Variants in MAD1L1 observed in about 807,000 individuals in gnomAD.
MAD1L1 encodes the protein mitotic spindle assembly checkpoint protein MAD1.
Under a neutral mutation model 96.9 loss-of-function variants are expected in MAD1L1, and 95 were observed. The observed-to-expected ratio is 0.98, with a 90% CI of 0.83 to 1.16. The LOEUF is 1.16. MAD1L1 is among the 50% of genes most tolerant of loss of function. The pLI is 0.00. For synonymous variants in MAD1L1, 473 were observed against 396.6 expected (o/e 1.19, Z -2.29); for missense variants, 1,007 against 954.4 (o/e 1.06, Z -0.73).
chr7:1,951,326 G>A (rs1401940450), intron 16 of MAD1L1, among the ~76,000 whole-genome samples: 1 of 152,240 alleles, frequency 6.6e-6, no homozygotes, highest in African/African-American at 2.4e-5. Context: ...AAGGACAGAG[G>A]CCGTGTGAGG....
intron 10 of MAD1L1, among the ~76,000 whole-genome samples, chr7:2,212,268 G>A (rs546870591): frequency 1.1e-4 from 17 of 152,286 alleles, no homozygotes; most frequent in Non-Finnish European, 1.6e-4. Context: ...GTGGTCCCCC[G>A]GCAGCTCCAC....
chr7:2,069,969 G>A (rs532184274), intron 11 of MAD1L1, among the ~76,000 whole-genome samples: 1 of 152,310 alleles, frequency 6.6e-6, no homozygotes, highest in African/African-American at 2.4e-5. Context: ...CTCGTTGCCT[G>A]TCACCTACGT....
At chr7:2,181,658 T>C (rs1372572219) in intron 10 of MAD1L1, among the ~76,000 whole-genome samples, 1 of 152,180 alleles carries the variant, frequency 6.6e-6, no homozygotes, top group African/African-American at 2.4e-5. Flanking sequence ...AAAGTAGAGC[T>C]ACCGTTTGAG....
chr7:1,950,677 C>T (rs1250432192), intron 16 of MAD1L1, among the ~76,000 whole-genome samples: 2 of 152,224 alleles, frequency 1.3e-5, no homozygotes, highest in Non-Finnish European at 2.9e-5. Flanking sequence ...GCACCCAGGC[C>T]CTTCGCCACC....
intron 11 of MAD1L1, among the ~76,000 whole-genome samples, chr7:2,147,062 G>A (rs887309479): frequency 6.6e-6 from 1 of 152,174 alleles, no homozygotes; most frequent in Non-Finnish European, 1.5e-5. Context: ...AGCCTTGGTC[G>A]GGAAGTGTCC....
At chr7:1,911,711 C>T (rs1267779527) in intron 17 of MAD1L1, among the ~76,000 whole-genome samples, 1 of 152,142 alleles carries the variant, frequency 6.6e-6, no homozygotes, top group African/African-American at 2.4e-5. Flanking sequence ...CTTGGGCATC[C>T]CAACCGTCTC....
chr7:1,858,218 G>C (rs1431527237), intron 18 of MAD1L1, among the ~76,000 whole-genome samples: 1 of 152,198 alleles, frequency 6.6e-6, no homozygotes, highest in East Asian at 1.9e-4. Context: ...GGGAGTCTTG[G>C]AGCACAGGCA....
intron 15 of MAD1L1, among the ~76,000 whole-genome samples, chr7:1,972,604 A>T (rs76960562): frequency 2.6e-5 from 4 of 151,724 alleles, no homozygotes; most frequent in Non-Finnish European, 4.4e-5. Context: ...ATTTTATTGA[A>T]TTTTTTTTCC....
intron 18 of MAD1L1, among the ~76,000 whole-genome samples, chr7:1,883,886 G>A (rs7796387): frequency 0.038 from 5,749 of 152,300 alleles, 372 homozygotes; most frequent in African/African-American, 0.13. Flanking sequence ...ACTCTGACCT[G>A]CAGACCCTGA....
chr7:1,860,482 G>A (rs928725447), intron 18 of MAD1L1, among the ~76,000 whole-genome samples: 11 of 149,922 alleles, frequency 7.3e-5, no homozygotes, highest in Non-Finnish European at 1.5e-4. Flanking sequence ...TCTCCCTAGG[G>A]GTGACATCCT....
chr7:1,895,172 G>A (rs1786788705), intron 18 of MAD1L1, among the ~76,000 whole-genome samples: 1 of 152,200 alleles, frequency 6.6e-6, no homozygotes, highest in African/African-American at 2.4e-5. Flanking sequence ...GGGTTCCAGG[G>A]AAAACCGCAG....
intron 12 of MAD1L1, among the ~76,000 whole-genome samples, chr7:2,043,723 A>G (rs10241537): frequency 0.36 from 54,523 of 152,062 alleles, 10,896 homozygotes; most frequent in African/African-American, 0.53. Context: ...TTTTCTCGAG[A>G]GTGGGGGCAG....
At chr7:2,165,406 T>C (rs1041834992) in intron 10 of MAD1L1, among the ~76,000 whole-genome samples, 1 of 152,078 alleles carries the variant, frequency 6.6e-6, no homozygotes, top group Non-Finnish European at 1.5e-5. Flanking sequence ...CCTCAATCTG[T>C]ACACTTCAGT....
intron 12 of MAD1L1, among the ~76,000 whole-genome samples, chr7:2,063,264 C>G (rs1439495314): frequency 6.6e-6 from 1 of 152,268 alleles, no homozygotes; most frequent in African/African-American, 2.4e-5. Context: ...AAATCTTGCT[C>G]TCTGATCCAA....
At chr7:2,046,888 C>T (rs1372933064) in intron 12 of MAD1L1, among the ~76,000 whole-genome samples, 1 of 152,200 alleles carries the variant, frequency 6.6e-6, no homozygotes, top group Non-Finnish European at 1.5e-5. Context: ...CAGTGCCCGG[C>T]CCCCTGTCCC....
At chr7:1,902,700 C>T (rs972724626) in intron 17 of MAD1L1, among the ~76,000 whole-genome samples, 3 of 152,258 alleles carry the variant, frequency 2.0e-5, no homozygotes, top group South Asian at 2.1e-4. Flanking sequence ...GCTCCAGCCT[C>T]GCTGTACGTC....
Position 1,937,562 on chromosome 7 carries a change from C to CCCCACAGCAGGGGACAGCCG in MAD1L1, c.1597-685_1597-666dup, listed in dbSNP as rs1562540999. 4.6e-5 allele frequency among the ~76,000 whole-genome samples: 7 copies of CCCCACAGCAGGGGACAGCCG among 152,140 alleles called. No individual in the cohort carries two copies. The East Asian group carries it at 5.8e-4, about 13-fold the overall frequency. On this transcript the variant is annotated intron_variant, in intron 16 of 18. Coordinates refer to ENST00000265854, the MANE Select transcript of MAD1L1 (RefSeq NM_001013836.2). ...ATGCAGCCCTGCAGCAGGGACAGCC[C>CCCCACAGCAGGGGACAGCCG]CCCACAGCAGGGGACAGCCGCCCAC...
intron 17 of MAD1L1, among the ~76,000 whole-genome samples, chr7:1,920,734 C>T (rs992771984): frequency 1.3e-5 from 2 of 152,204 alleles, no homozygotes; most frequent in Non-Finnish European, 2.9e-5. Flanking sequence ...TAGAAATGAC[C>T]AGTCCATGAG....
chr7:1,985,637 T>G (rs986516865), intron 14 of MAD1L1, among the ~76,000 whole-genome samples: 1 of 152,258 alleles, frequency 6.6e-6, no homozygotes, highest in African/African-American at 2.4e-5. Context: ...GACACTTCTT[T>G]TTGAATACAT....
Sources: gnomAD v4.1 joint callset for allele counts (sites outside exome capture counted in the v4.1 genomes callset) on GRCh38, gnomAD v4.1.1 for gene constraint, MANE v1.5 for transcripts, NCBI Gene and HGNC (gene_info 2026-07-23, HGNC 2026-07-21) for gene names.